Variants in MGAT4C observed in about 807,000 individuals in gnomAD.
MGAT4C encodes the protein alpha-1,3-mannosyl-glycoprotein 4-beta-N-acetylglucosaminyltransferase C.
A neutral mutation model predicts 40.1 loss-of-function variants in MGAT4C; 19 were observed. That is an observed-to-expected ratio of 0.47 (90% CI 0.33 to 0.70). The LOEUF (loss-of-function observed/expected upper bound fraction) is 0.70. Among genes scored for constraint, MGAT4C ranks in the 30% least tolerant of loss-of-function variants. The pLI, the probability that MGAT4C is intolerant of heterozygous loss-of-function variation, is 0.02. For missense variants in MGAT4C, 491 were observed against 563.2 expected (o/e 0.87, Z 1.30); for synonymous variants, 181 against 187.1 (o/e 0.97, Z 0.27).
intron 1 of MGAT4C, among the ~76,000 whole-genome samples, chr12:86,180,779 A>T (rs1888027473): frequency 6.6e-6 from 1 of 152,136 alleles, no homozygotes; most frequent in Non-Finnish European, 1.5e-5. Context: ...CTTGCTTTTG[A>T]TATTCAGGCT....
At position 86,140,198 on chromosome 12, in the gene MGAT4C, T is replaced by C. The variant is rs548624127; in HGVS notation, c.-56-90475A>G. On this transcript the variant is annotated intron_variant, in intron 1 of 4. Transcript: ENST00000611864. Reference sequence around the variant, plus strand: ...TTCTCCTTTAGTCATATATTAAATGTCATTACAGCAAGGAAGCTTTTCTGG... The same window carrying C: ...TTCTCCTTTAGTCATATATTAAATGCCATTACAGCAAGGAAGCTTTTCTGG... Among the ~76,000 whole-genome samples, 11 of 152,328 alleles carry C rather than the reference T, an allele frequency of 7.2e-5. No individual in the cohort carries two copies. The East Asian group carries it at 1.5e-3, about 21-fold the overall frequency.
chr12:86,178,103 A>AT (rs749331508), intron 1 of MGAT4C, among the ~76,000 whole-genome samples: 5 of 151,902 alleles, frequency 3.3e-5, no homozygotes, highest in Admixed American at 6.6e-5. Flanking sequence ...TGCCCGGCTA[A>AT]TTTTTTGTAT....
chr12:86,509,513 C>A (rs1271121331), intron 2 of MGAT4C, among the ~76,000 whole-genome samples: 2 of 152,058 alleles, frequency 1.3e-5, no homozygotes, highest in East Asian at 3.9e-4. Flanking sequence ...CAGCTTTGTT[C>A]TTTTGGCTTA....
rs182341929 is a variant in MGAT4C at position 86,359,211 on chromosome 12, C to T, written c.-119-25084G>A. Among the ~76,000 whole-genome samples, 424 of 152,280 alleles carry T rather than the reference C, an allele frequency of 2.8e-3. 1 individual carries two copies. Among genetic ancestry groups the T allele is most frequent in the African/African-American group, 9.9e-3 (410 of 41,552 alleles). On this transcript the variant is annotated intron_variant, in intron 3 of 7. Transcript: ENST00000548651. ...CTCAACTACATGGAAACTGAACAAC[C>T]TGCTCCTGAAGGACTACTGGGTACC...
At chr12:86,323,819 T>C (rs1954457899) in intron 4 of MGAT4C, among the ~76,000 whole-genome samples, 1 of 152,008 alleles carries the variant, frequency 6.6e-6, no homozygotes, top group Non-Finnish European at 1.5e-5. Context: ...TATCGCAATT[T>C]GATATTTAAA....
intron 1 of MGAT4C, among the ~76,000 whole-genome samples, chr12:86,242,740 C>T (rs1451260163): frequency 6.6e-6 from 1 of 152,044 alleles, no homozygotes; most frequent in African/African-American, 2.4e-5. Context: ...TCCAACCTTA[C>T]CTTTATACAA....
intron 1 of MGAT4C, among the ~76,000 whole-genome samples, chr12:86,094,821 A>G (rs975954390): frequency 4.6e-5 from 7 of 152,092 alleles, no homozygotes; most frequent in African/African-American, 1.7e-4. Context: ...AAAAGACTCA[A>G]TTAGCACACT....
At chr12:86,218,983 A>G (rs1365782636) in intron 1 of MGAT4C, among the ~76,000 whole-genome samples, 3 of 152,110 alleles carry the variant, frequency 2.0e-5, no homozygotes, top group African/African-American at 7.2e-5. Context: ...GATCGAGACC[A>G]TCCTGGTTAA....
At chr12:86,820,553 G>T (rs1952687663) in intron 1 of MGAT4C, among the ~76,000 whole-genome samples, 1 of 150,738 alleles carries the variant, frequency 6.6e-6, no homozygotes, top group Non-Finnish European at 1.5e-5. Context: ...AAGAATCACA[G>T]TATATGTGGA....
intron 2 of MGAT4C, among the ~76,000 whole-genome samples, chr12:86,567,452 A>G (rs1231801789): frequency 6.6e-6 from 1 of 152,174 alleles, no homozygotes; most frequent in East Asian, 1.9e-4. Context: ...GACCTGGATT[A>G]TCAAGATGAA....
chr12:86,625,743 T>A (rs1962784056), intron 2 of MGAT4C, among the ~76,000 whole-genome samples: 1 of 150,926 alleles, frequency 6.6e-6, no homozygotes, highest in African/African-American at 2.4e-5. Flanking sequence ...ACACTAGAAA[T>A]AAAACAATGA....
At chr12:86,094,576 A>C (rs1412269738) in intron 1 of MGAT4C, among the ~76,000 whole-genome samples, 1 of 152,190 alleles carries the variant, frequency 6.6e-6, no homozygotes, top group Non-Finnish European at 1.5e-5. Context: ...CAGATATCCT[A>C]ATCTTTTTAA....
intron 2 of MGAT4C, among the ~76,000 whole-genome samples, chr12:86,034,436 G>T (rs538215195): frequency 6.7e-6 from 1 of 149,076 alleles, no homozygotes; most frequent in East Asian, 1.9e-4. Flanking sequence ...GGAAGTCATT[G>T]GTCTCCAGGG....
intron 3 of MGAT4C, among the ~76,000 whole-genome samples, chr12:86,355,627 A>C (rs1261115502): frequency 1.3e-5 from 2 of 152,004 alleles, no homozygotes; most frequent in African/African-American, 4.8e-5. Flanking sequence ...GAAAGAAAAC[A>C]AAAAAAATTG....
In MGAT4C at chr12:86,563,134, G is replaced by A. The variant is rs1959946520; in HGVS notation, c.-228-127869C>T. Among the ~76,000 whole-genome samples, 2 of 152,116 alleles carry A rather than the reference G, an allele frequency of 1.3e-5. 1 individual carries two copies. The highest frequency in any genetic ancestry group is 4.1e-4 in the South Asian group (2 of 4,832). On this transcript the variant is annotated intron_variant, in intron 2 of 7. Coordinates refer to the MGAT4C transcript ENST00000548651. ...TACCTTGTGAAACAGATTTGTGAGGGGAACACTTGCATCCCTGAAGAGTTC... is the reference window on the plus strand; with the variant it reads ...TACCTTGTGAAACAGATTTGTGAGGAGAACACTTGCATCCCTGAAGAGTTC...
At chr12:86,303,841 G>A (rs1953871893) in intron 4 of MGAT4C, among the ~76,000 whole-genome samples, 1 of 150,304 alleles carries the variant, frequency 6.7e-6, no homozygotes, top group Non-Finnish European at 1.5e-5. Flanking sequence ...TTTTTACTTT[G>A]TTACGTTGTG....
chr12:86,696,065 A>T (rs1950252288), intron 2 of MGAT4C, among the ~76,000 whole-genome samples: 1 of 151,884 alleles, frequency 6.6e-6, no homozygotes, highest in Admixed American at 6.6e-5. Flanking sequence ...CAAAAAAATT[A>T]GCTGGGCGTG....
rs958925783 is a variant in MGAT4C at position 86,274,709 on chromosome 12, C to G, written c.-57+59356G>C. ...TAATAGAAGAATATTTAGCCATCCT[C>G]TGTCCACATTATATACCCAGATTGG... On this transcript the variant is annotated intron_variant, in intron 4 of 7. Coordinates refer to the MGAT4C transcript ENST00000548651. Among the ~76,000 whole-genome samples the G allele has an allele frequency of 2.0e-5, 3 of 152,338 alleles. 1 individual carries two copies. Among genetic ancestry groups the G allele is most frequent in the African/African-American group, 7.2e-5 (3 of 41,578 alleles).
In MGAT4C at chr12:85,979,682, G is replaced by A. The variant is rs1884314832; in HGVS notation, c.1044C>T (p.Asn348=). The A allele has an allele frequency of 6.2e-7, 1 of 1,613,214 alleles. No homozygotes were observed. Among genetic ancestry groups the A allele is most frequent in the Non-Finnish European group, 8.5e-7 (1 of 1,179,806 alleles). Residue 348 remains asparagine, a synonymous_variant, in exon 5 of 5, where the codon AAC becomes AAT. Coordinates refer to ENST00000611864, the MANE Select transcript of MGAT4C (RefSeq NM_001351288.2). ...CTTCATAATTTTCAAACACATTCAT[G>A]TTGGTGTACAGACTTGCAGGGGGGT... ...PDNPPASLYT[N]MNVFENYEAS...
Sources: allele counts gnomAD v4.1 joint callset (sites outside exome capture counted in the v4.1 genomes callset), GRCh38; gene constraint gnomAD v4.1.1; transcripts MANE v1.5; gene names NCBI Gene and HGNC (gene_info 2026-07-23, HGNC 2026-07-21).